PXDNL: variants seen among roughly 807,000 people sequenced by gnomAD.
PXDNL encodes the protein peroxidasin like, also known as probable oxidoreductase PXDNL.
PXDNL carries 145 observed loss-of-function variants against 150.8 expected under a neutral mutation model. The observed-to-expected ratio is 0.96, with a 90% CI of 0.84 to 1.10. The LOEUF (loss-of-function observed/expected upper bound fraction) is 1.10, where lower values mean the gene tolerates loss of function less well. Ranked by LOEUF, PXDNL falls within the 50% of genes least tolerant of loss-of-function variation. PXDNL has a pLI of 0.00. For missense variants in PXDNL, 2,087 were observed against 1,873.9 expected, an observed-to-expected ratio of 1.11 and a Z score of -2.10; for synonymous variants, 757 against 725.7, an observed-to-expected ratio of 1.04 and a Z score of -0.69.
intron 3 of PXDNL, among the ~76,000 whole-genome samples, chr8:51,560,931 A>T (rs894805096): frequency 8.7e-6 from 1 of 115,080 alleles, no homozygotes; most frequent in Non-Finnish European, 1.6e-5. Context: ...CTACAACTCA[A>T]CAACAACCAA....
intron 14 of PXDNL, among the ~76,000 whole-genome samples, chr8:51,414,844 AG>A (rs1808752419): frequency 6.6e-6 from 1 of 152,240 alleles, no homozygotes; most frequent in Admixed American, 6.5e-5. Flanking sequence ...AAAGCTCAAA[AG>A]TTAATAAGGA....
chr8:51,375,173 G>GA (rs1807264651), intron 17 of PXDNL, among the ~76,000 whole-genome samples: 1 of 152,250 alleles, frequency 6.6e-6, no homozygotes, highest in East Asian at 1.9e-4. Context: ...AAAGTCAATA[G>GA]AAAATCATAA....
chr8:51,365,041 A>G (rs538872819), intron 19 of PXDNL, among the ~76,000 whole-genome samples: 2 of 152,138 alleles, frequency 1.3e-5, no homozygotes, highest in Non-Finnish European at 2.9e-5. Flanking sequence ...CCTGGGTTCA[A>G]ACAATTCTCT....
chr8:51,572,919 G>T (rs1057195444), intron 3 of PXDNL, among the ~76,000 whole-genome samples: 2 of 151,828 alleles, frequency 1.3e-5, no homozygotes, highest in Admixed American at 1.3e-4. Context: ...GCCTCTGAAA[G>T]GTAGAAAGCA....
intron 2 of PXDNL, among the ~76,000 whole-genome samples, chr8:51,621,489 C>T (rs1290666467): frequency 7.1e-6 from 1 of 140,570 alleles, no homozygotes; most frequent in South Asian, 2.3e-4. Flanking sequence ...TGTGTGTGTA[C>T]AGCAAAAGCG....
At chr8:51,552,531 G>A (rs2130526985) in intron 4 of PXDNL, among the ~76,000 whole-genome samples, 1 of 152,294 alleles carries the variant, frequency 6.6e-6, no homozygotes, top group East Asian at 1.9e-4. Context: ...GGCACTTGCA[G>A]CAACCTGGAT....
chr8:51,667,402 A>C (rs1440856036), intron 1 of PXDNL, among the ~76,000 whole-genome samples: 1 of 152,218 alleles, frequency 6.6e-6, no homozygotes, highest in African/African-American at 2.4e-5. Flanking sequence ...CCTCCATGTT[A>C]GTTTTACACG....
chr8:51,474,395 C>T (rs1055054391), intron 7 of PXDNL, among the ~76,000 whole-genome samples: 3 of 152,166 alleles, frequency 2.0e-5, no homozygotes, highest in African/African-American at 7.2e-5. Context: ...TTAGGTAAAG[C>T]TTATTGCTTT....
chr8:51,540,290 T>G (rs1812186782), intron 4 of PXDNL, among the ~76,000 whole-genome samples: 1 of 152,160 alleles, frequency 6.6e-6, no homozygotes, highest in Non-Finnish European at 1.5e-5. Context: ...CTCCATTTTT[T>G]GTCCTGATTC....
chr8:51,660,716 G>T (rs1221330843), intron 1 of PXDNL, among the ~76,000 whole-genome samples: 2 of 152,200 alleles, frequency 1.3e-5, no homozygotes, highest in Non-Finnish European at 2.9e-5. Context: ...AAGGCAAACA[G>T]GTTCCTGTCT....
intron 3 of PXDNL, among the ~76,000 whole-genome samples, chr8:51,570,002 C>T (rs1812900934): frequency 6.6e-6 from 1 of 151,978 alleles, no homozygotes; most frequent in African/African-American, 2.4e-5. Context: ...AGCTGCAGAG[C>T]AGCTTTAGCA....
At chr8:51,607,512 C>T (rs1348665067) in intron 2 of PXDNL, among the ~76,000 whole-genome samples, 1 of 152,100 alleles carries the variant, frequency 6.6e-6, no homozygotes, top group Non-Finnish European at 1.5e-5. Context: ...GAACCCACTC[C>T]TCCTCTACCC....
At chr8:51,328,499 C>A (rs1436936128) in intron 21 of PXDNL, among the ~76,000 whole-genome samples, 1 of 152,236 alleles carries the variant, frequency 6.6e-6, no homozygotes, top group Non-Finnish European at 1.5e-5. Flanking sequence ...ACAGAAACAT[C>A]CAGAAATATT....
At chr8:51,468,385 G>A (rs1167378627) in intron 8 of PXDNL, among the ~76,000 whole-genome samples, 1 of 151,960 alleles carries the variant, frequency 6.6e-6, no homozygotes, top group East Asian at 1.9e-4. Flanking sequence ...ATGATCTAAT[G>A]ATTTGTGATT....
intron 19 of PXDNL, among the ~76,000 whole-genome samples, chr8:51,366,494 A>G (rs1045838962): frequency 1.3e-5 from 2 of 151,622 alleles, no homozygotes; most frequent in Non-Finnish European, 3.0e-5. Context: ...GTTAAACTTA[A>G]TTTGTCTAAG....
At chr8:51,431,054 T>C (rs1003852539) in intron 12 of PXDNL, among the ~76,000 whole-genome samples, 1 of 152,160 alleles carries the variant, frequency 6.6e-6, no homozygotes, top group Non-Finnish European at 1.5e-5. Flanking sequence ...TCCTATACTC[T>C]TCTCCCACAG....
chr8:51,687,084 A>G (rs1815893141), intron 1 of PXDNL, among the ~76,000 whole-genome samples: 1 of 152,172 alleles, frequency 6.6e-6, no homozygotes, highest in Non-Finnish European at 1.5e-5. Flanking sequence ...TTGTGATAAG[A>G]TGTGATATGA....
intron 8 of PXDNL, among the ~76,000 whole-genome samples, chr8:51,461,684 C>A (rs1156729607): frequency 6.6e-6 from 1 of 152,208 alleles, no homozygotes; most frequent in African/African-American, 2.4e-5. Context: ...ATAAGCTATC[C>A]TTTGGCTCGG....
At chr8:51,559,330 A>ACAC (rs1812665101) in intron 3 of PXDNL, among the ~76,000 whole-genome samples, 4 of 98,062 alleles carry the variant, frequency 4.1e-5, no homozygotes, top group Non-Finnish European at 7.1e-5. Flanking sequence ...TTTCTTCCAA[A>ACAC]CCCCCCCCCC....
Sources: allele counts gnomAD v4.1 joint callset (sites outside exome capture counted in the v4.1 genomes callset), GRCh38; gene constraint gnomAD v4.1.1; transcripts MANE v1.5; gene names NCBI Gene and HGNC (gene_info 2026-07-23, HGNC 2026-07-21).